The following SHANK2 variants were observed in gnomAD, a reference collection of about 807,000 sequenced individuals.
SHANK2 encodes the protein SH3 and multiple ankyrin repeat domains 2.
A neutral mutation model predicts 133.7 loss-of-function variants in SHANK2; 43 were observed. The observed-to-expected ratio is 0.32, with a 90% CI of 0.25 to 0.41. The LOEUF (loss-of-function observed/expected upper bound fraction) is 0.41, where lower values mean the gene tolerates loss of function less well. SHANK2 is among the 10% of genes least tolerant of loss of function. The pLI, the probability that SHANK2 is intolerant of heterozygous loss-of-function variation, is 1.00. For missense variants in SHANK2, 1,994 were observed against 2,235.8 expected (o/e 0.89, Z 2.18); for synonymous variants, 1,017 against 952.8 (o/e 1.07, Z -1.24).
In SHANK2 at chr11:71,137,206, T is replaced by C. The variant is rs529806255; in HGVS notation, c.207+9914A>G. On this transcript the variant is annotated intron_variant, in intron 3 of 25. Transcript: ENST00000601538. ...GTAAGTAAATCCTATAATTTATAAA[T>C]TATAACTCAAGAAAACTTTTTGAAA... is the stretch of plus-strand genomic sequence containing the variant. Among the ~76,000 whole-genome samples the C allele has an allele frequency of 3.3e-5, 5 of 150,312 alleles. No individual in the cohort carries two copies. The Admixed American group carries it at 3.3e-4, about 10-fold the overall frequency.
At chr11:71,224,993 A>G (rs1290909571) in intron 1 of SHANK2, among the ~76,000 whole-genome samples, 197 bp from the exon 2 acceptor site, 2 of 152,160 alleles carry the variant, frequency 1.3e-5, no homozygotes, top group Non-Finnish European at 2.9e-5. Flanking sequence ...TGTATATAAA[A>G]CAAACCTAAC....
chr11:71,144,591 G>C (rs1555106363), intron 3 of SHANK2, among the ~76,000 whole-genome samples: 1 of 152,124 alleles, frequency 6.6e-6, no homozygotes. Context: ...CCTGACATTT[G>C]GAGGCCTTTT....
At chr11:70,503,101 G>C (rs568934129) in intron 17 of SHANK2, among the ~76,000 whole-genome samples, 170 bp from the exon 18 acceptor site, 4 of 152,318 alleles carry the variant, frequency 2.6e-5, no homozygotes, top group African/African-American at 7.2e-5. Flanking sequence ...GGGGAAACCA[G>C]AATGAATGCT....
At chr11:71,146,632 A>C (rs1293873434) in intron 3 of SHANK2, among the ~76,000 whole-genome samples, 21 of 152,184 alleles carry the variant, frequency 1.4e-4, no homozygotes, top group Admixed American at 1.4e-3. Flanking sequence ...GCCACGCGGG[A>C]AGGAGTGCTC....
intron 14 of SHANK2, among the ~76,000 whole-genome samples, chr11:70,740,755 C>T (rs1361689757): frequency 6.6e-6 from 1 of 152,180 alleles, no homozygotes; most frequent in Non-Finnish European, 1.5e-5. Context: ...GCTGGCACAG[C>T]CTGGTAGCAG....
At chr11:71,191,009 T>C (rs995954701) in intron 2 of SHANK2, among the ~76,000 whole-genome samples, 2 of 151,754 alleles carry the variant, frequency 1.3e-5, no homozygotes, top group Non-Finnish European at 2.9e-5. Flanking sequence ...CACCAAGAAA[T>C]ACCTCACACC....
chr11:70,664,299 A>C (rs1555014297), intron 15 of SHANK2, among the ~76,000 whole-genome samples: 1 of 152,054 alleles, frequency 6.6e-6, no homozygotes, highest in Non-Finnish European at 1.5e-5. Context: ...CCCCGGCCCC[A>C]TGGCTCACTC....
chr11:70,636,605 G>A (rs1434350744), intron 17 of SHANK2, among the ~76,000 whole-genome samples: 3 of 151,328 alleles, frequency 2.0e-5, no homozygotes, highest in African/African-American at 4.9e-5. Flanking sequence ...GTGTATGAGT[G>A]TGTGTATGCG....
intron 15 of SHANK2, among the ~76,000 whole-genome samples, chr11:70,677,337 G>A (rs988271967): frequency 6.6e-5 from 10 of 152,130 alleles, no homozygotes; most frequent in Non-Finnish European, 4.4e-5. Flanking sequence ...CCAGCTGAGC[G>A]GCCAACATCC....
chr11:70,651,393 T>C (rs745933862), intron 17 of SHANK2, among the ~76,000 whole-genome samples: 82 of 152,258 alleles, frequency 5.4e-4, no homozygotes, highest in Non-Finnish European at 1.6e-4. Flanking sequence ...CCAGTCAATA[T>C]GGAGGACAAA....
At chr11:71,192,053 G>C (rs1417357078) in intron 2 of SHANK2, among the ~76,000 whole-genome samples, 2 of 151,968 alleles carry the variant, frequency 1.3e-5, no homozygotes, top group African/African-American at 4.8e-5. Context: ...TAGAGATGGG[G>C]TTTCACCGTG....
chr11:71,122,137 CA>C (rs1319538725), intron 3 of SHANK2, among the ~76,000 whole-genome samples: 1 of 152,190 alleles, frequency 6.6e-6, no homozygotes, highest in Non-Finnish European at 1.5e-5. Context: ...CCAGTGATCC[CA>C]TTACTGGGTA....
chr11:70,916,367 C>T (rs113118592), intron 10 of SHANK2, among the ~76,000 whole-genome samples: 36 of 152,158 alleles, frequency 2.4e-4, no homozygotes, highest in African/African-American at 8.2e-4. Context: ...CAGTACCCCT[C>T]GCCAACCCGG....
Position 70,468,723 on chromosome 11 carries a change from A to G in SHANK2, c.*4146T>C, listed in dbSNP as rs1376511254. 4 of 152,238 alleles carry G rather than the reference A, an allele frequency of 2.6e-5. No homozygotes were observed. The highest frequency in any genetic ancestry group is 2.6e-4 in the Admixed American group (4 of 15,286). The allele number at this position is 152,238 out of a possible 1,614,324, so 9.4% of individuals were successfully genotyped here. A position where few individuals can be genotyped will look rare whatever the true frequency, so the allele number is the denominator to read the frequency against. The stretch of plus-strand genomic sequence containing the variant: ...CGGGAGAGCTTGAGGGTGAACTACA[A>G]AAGATATGAGGACTGGAATTTTTCC... On this transcript the variant is annotated 3_prime_UTR_variant, in exon 26 of 26. Transcript: ENST00000601538.
intron 14 of SHANK2, among the ~76,000 whole-genome samples, chr11:70,780,035 A>G (rs1432193754): frequency 6.6e-6 from 1 of 152,180 alleles, no homozygotes; most frequent in African/African-American, 2.4e-5. Flanking sequence ...TGGAGCTGCC[A>G]GGCACCATCC....
In SHANK2 at chr11:70,669,632, T is replaced by C. The variant is rs563054799; in HGVS notation, c.1854-7954A>G. ...TCCGAGGGTTGCAGGGACCCCCAAA[T>C]GTGTCTGCAACCTGAAAAATAAAAT... On this transcript the variant is annotated intron_variant, in intron 15 of 25. Coordinates refer to ENST00000601538, the MANE Select transcript of SHANK2 (RefSeq NM_012309.5). The C allele has an allele frequency of 3.9e-5, 6 of 152,696 alleles. No individual in the cohort carries two copies. In the East Asian group the frequency reaches 1.2e-3, roughly 29 times the overall value. The allele number at this position is 152,696 out of a possible 1,614,324, so 9.5% of individuals were successfully genotyped here. A position where few individuals can be genotyped will look rare whatever the true frequency, so the allele number is the denominator to read the frequency against.
At chr11:70,716,490 T>G (rs1945924067) in intron 14 of SHANK2, among the ~76,000 whole-genome samples, 1 of 152,148 alleles carries the variant, frequency 6.6e-6, no homozygotes, top group Non-Finnish European at 1.5e-5. Context: ...AGCTGCTTCT[T>G]TATTGCTCGG....
chr11:70,829,853 C>T (rs1453034215), intron 11 of SHANK2, among the ~76,000 whole-genome samples: 2 of 152,232 alleles, frequency 1.3e-5, no homozygotes, highest in Admixed American at 6.5e-5. Context: ...CTCTGCCACA[C>T]GGGGTCTTCT....
At chr11:70,528,535 C>T (rs1221287699) in intron 17 of SHANK2, among the ~76,000 whole-genome samples, 1 of 152,126 alleles carries the variant, frequency 6.6e-6, no homozygotes, top group Non-Finnish European at 1.5e-5. Flanking sequence ...GCTCCATTAG[C>T]CTGCCCCGGT....
Sources: allele counts gnomAD v4.1 joint callset (sites outside exome capture counted in the v4.1 genomes callset), GRCh38; gene constraint gnomAD v4.1.1; transcripts MANE v1.5; gene names NCBI Gene and HGNC (gene_info 2026-07-23, HGNC 2026-07-21).